AK8: variants seen among roughly 807,000 people sequenced by gnomAD.
AK8 encodes adenylate kinase 8.
Under a neutral mutation model 54.6 loss-of-function variants are expected in AK8, and 44 were observed. The observed-to-expected ratio is 0.81, with a 90% CI of 0.63 to 1.04. The LOEUF (loss-of-function observed/expected upper bound fraction) is 1.04, where lower values mean the gene tolerates loss of function less well. Ranked by LOEUF, AK8 falls within the 50% of genes least tolerant of loss-of-function variation. The pLI is 0.00. For synonymous variants in AK8, 239 were observed against 245.6 expected, an observed-to-expected ratio of 0.97 and a Z score of 0.25; for missense variants, 555 against 613.6, an observed-to-expected ratio of 0.90 and a Z score of 1.01.
chr9:132,844,863 G>A (rs550710872), intron 5 of AK8, among the ~76,000 whole-genome samples: 2 of 152,282 alleles, frequency 1.3e-5, no homozygotes, highest in South Asian at 2.1e-4. Context: ...AGAGTAACAC[G>A]CTCTGTGCCT....
chr9:132,832,147 TAAA>T (rs11284702), intron 5 of AK8, among the ~76,000 whole-genome samples: 9 of 105,406 alleles, frequency 8.5e-5, no homozygotes, highest in Non-Finnish European at 9.0e-5. Flanking sequence ...CACTGACATT[TAAA>T]AAAAAAAAAA....
chr9:132,856,365 G>A (rs1221558917), intron 4 of AK8, among the ~76,000 whole-genome samples: 1 of 152,200 alleles, frequency 6.6e-6, no homozygotes, highest in Admixed American at 6.5e-5. Context: ...GGCGACCCTG[G>A]GCAAAGCCTT....
chr9:132,826,510 TC>T lies in AK8; in HGVS notation c.757+343del, dbSNP rs933556256. ...ATCTTTATATATTTTTTCTTTCCTC[TC>T]CCTCAAGGTCAGGCTCAAACTTCTT... On this transcript the variant is annotated intron_variant, in intron 8 of 12. Coordinates refer to ENST00000298545, the MANE Select transcript of AK8 (RefSeq NM_152572.3). The surrounding 1 kb of genome is among the most constrained non-coding windows in gnomAD (Gnocchi z 4.5). Among the ~76,000 whole-genome samples, 4 of 152,186 alleles carry T rather than the reference TC, an allele frequency of 2.6e-5. No homozygotes were observed. The highest frequency in any genetic ancestry group is 9.7e-5 in the African/African-American group (4 of 41,426).
At chr9:132,745,697 A>G (rs1564378455) in intron 11 of AK8, among the ~76,000 whole-genome samples, 1 of 151,964 alleles carries the variant, frequency 6.6e-6, no homozygotes, top group Non-Finnish European at 1.5e-5. Context: ...TGTATTGTTC[A>G]CACCCTGTGT....
intron 11 of AK8, among the ~76,000 whole-genome samples, chr9:132,778,216 T>G (rs1839310154): frequency 6.6e-6 from 1 of 152,168 alleles, no homozygotes; most frequent in South Asian, 2.1e-4. Context: ...TGGTAAACTC[T>G]CGGATGATGG....
intron 11 of AK8, among the ~76,000 whole-genome samples, chr9:132,746,219 T>C (rs1432804048): frequency 6.6e-6 from 1 of 152,114 alleles, no homozygotes; most frequent in Non-Finnish European, 1.5e-5. Flanking sequence ...AGCACATGCA[T>C]GCACACACAC....
rs532707219 is a variant in AK8 at position 132,799,329 on chromosome 9, C to G, written c.980-6554G>C. On this transcript the variant is annotated intron_variant, in intron 10 of 12. Transcript: ENST00000298545. The surrounding 1 kb of genome is among the most constrained non-coding windows in gnomAD (Gnocchi z 5.0). ...GGAGAGAAGGAAATAGCTCCTTCAG[C>G]CAGTGGCTTAAAGATAAAAAACATG... Among the ~76,000 whole-genome samples, 207 of 152,250 alleles carry G rather than the reference C, an allele frequency of 1.4e-3. 1 individual carries two copies. Among genetic ancestry groups the G allele is most frequent in the African/African-American group, 4.5e-3 (188 of 41,530 alleles).
chr9:132,732,704 G>A (rs915441733), intron 11 of AK8, among the ~76,000 whole-genome samples: 1 of 150,888 alleles, frequency 6.6e-6, no homozygotes, highest in Non-Finnish European at 1.5e-5. Flanking sequence ...CACGAGAGCA[G>A]AAAGATGGTG....
intron 11 of AK8, among the ~76,000 whole-genome samples, chr9:132,737,162 C>CACAA (rs1837161393): frequency 6.6e-6 from 1 of 152,128 alleles, no homozygotes; most frequent in Non-Finnish European, 1.5e-5. Context: ...CACACACACA[C>CACAA]ACAAACACAA....
intron 11 of AK8, among the ~76,000 whole-genome samples, chr9:132,771,367 G>A (rs1048465362): frequency 1.1e-4 from 17 of 152,162 alleles, no homozygotes; most frequent in Admixed American, 2.6e-4. Context: ...TCAACAGAAC[G>A]GGCCAGGAAT....
intron 10 of AK8, among the ~76,000 whole-genome samples, chr9:132,801,695 T>C (rs1034820000): frequency 6.6e-6 from 1 of 152,184 alleles, no homozygotes; most frequent in Non-Finnish European, 1.5e-5. Flanking sequence ...AAAGATATGA[T>C]AGTATATTGA....
intron 5 of AK8, among the ~76,000 whole-genome samples, chr9:132,852,836 C>T (rs1219536678): frequency 6.7e-6 from 1 of 149,660 alleles, no homozygotes; most frequent in African/African-American, 2.5e-5. Flanking sequence ...AGACTGGAGC[C>T]TCAGGGACCT....
chr9:132,858,835 G>A (rs903303779), intron 4 of AK8, among the ~76,000 whole-genome samples: 1 of 152,214 alleles, frequency 6.6e-6, no homozygotes, highest in African/African-American at 2.4e-5. Context: ...AAGGAAGAGA[G>A]CAGACCTCAT....
chr9:132,732,941 T>G (rs1189847056), intron 11 of AK8, among the ~76,000 whole-genome samples: 1 of 152,130 alleles, frequency 6.6e-6, no homozygotes, highest in Admixed American at 6.5e-5. Flanking sequence ...TGAGCCACAA[T>G]CTCTTTCTCC....
intron 8 of AK8, among the ~76,000 whole-genome samples, chr9:132,823,707 T>C (rs1439472371): frequency 6.6e-6 from 1 of 152,224 alleles, no homozygotes; most frequent in Non-Finnish European, 1.5e-5. Context: ...GCTGGTGGCT[T>C]TTCCTACTGA....
intron 3 of AK8, among the ~76,000 whole-genome samples, chr9:132,865,639 C>G (rs564162671): frequency 1.3e-4 from 19 of 151,708 alleles, no homozygotes; most frequent in Admixed American, 3.3e-4. Context: ...ATGGTGAAAC[C>G]CCGTTTCTAC....
chr9:132,779,916 A>G (rs1462465057), intron 11 of AK8, among the ~76,000 whole-genome samples: 1 of 152,224 alleles, frequency 6.6e-6, no homozygotes, highest in African/African-American at 2.4e-5. Flanking sequence ...TCTAACGCTG[A>G]CTGCCTTTTA....
chr9:132,814,817 G>T, intron 9 of AK8, 90 bp from the exon 10 acceptor site: 2 of 1,124,740 alleles, frequency 1.8e-6, no homozygotes, highest in East Asian at 2.6e-5. Context: ...GCCTGCTGAG[G>T]GAAAAAAAAA....
intron 2 of AK8, among the ~76,000 whole-genome samples, chr9:132,874,607 G>A (rs760299406): frequency 4.6e-5 from 7 of 152,188 alleles, no homozygotes; most frequent in Non-Finnish European, 1.0e-4. Flanking sequence ...TCCGGCCTTG[G>A]GTCAGGCTGA....
Sources: gnomAD v4.1 joint callset for allele counts (sites outside exome capture counted in the v4.1 genomes callset) on GRCh38, gnomAD v4.1.1 for gene constraint, Gnocchi (gnomAD v3.1) non-coding constraint, MANE v1.5 for transcripts, NCBI Gene and HGNC (gene_info 2026-07-23, HGNC 2026-07-21) for gene names.